Variants in STMN2 observed in about 807,000 individuals in gnomAD.
STMN2 encodes stathmin 2.
In STMN2, 2 loss-of-function variants were observed where a neutral mutation model predicts 24.1. The observed-to-expected ratio is 0.08, with a 90% CI of 0.03 to 0.26. The LOEUF (loss-of-function observed/expected upper bound fraction) is 0.26. Ranked by LOEUF, STMN2 falls within the 10% of genes least tolerant of loss-of-function variation. STMN2 has a pLI of 1.00. For synonymous variants in STMN2, 83 were observed against 77.5 expected, an observed-to-expected ratio of 1.07 and a Z score of -0.37; for missense variants, 114 against 213.6, an observed-to-expected ratio of 0.53 and a Z score of 2.91.
intron 1 of STMN2, among the ~76,000 whole-genome samples, chr8:79,624,563 T>C (rs1321839278): frequency 6.6e-6 from 1 of 151,102 alleles, no homozygotes; most frequent in East Asian, 1.9e-4. Flanking sequence ...AATAAAAACC[T>C]GTCCACTTAA....
intron 1 of STMN2, among the ~76,000 whole-genome samples, chr8:79,612,767 G>T: frequency 6.6e-6 from 1 of 152,232 alleles, no homozygotes; most frequent in East Asian, 1.9e-4. Context: ...CATCTGCGCG[G>T]CTCCGCCCTG....
At chr8:79,661,920 AT>A (rs990034757) in intron 4 of STMN2, among the ~76,000 whole-genome samples, 2 of 152,110 alleles carry the variant, frequency 1.3e-5, no homozygotes, top group Non-Finnish European at 2.9e-5. Flanking sequence ...AAAAAGAAGG[AT>A]TTTTGATGAT....
chr8:79,644,763 T>A (rs1327178833), intron 3 of STMN2, among the ~76,000 whole-genome samples: 1 of 152,240 alleles, frequency 6.6e-6, no homozygotes, highest in East Asian at 1.9e-4. Context: ...ATTCAATTTG[T>A]ATCTCCCTTC....
At chr8:79,647,459 T>C (rs1246563723) in intron 3 of STMN2, among the ~76,000 whole-genome samples, 1 of 152,198 alleles carries the variant, frequency 6.6e-6, no homozygotes, top group African/African-American at 2.4e-5. Flanking sequence ...CAGGGAACTA[T>C]GACCTAGGCT....
chr8:79,641,671 C>T (rs928982794), intron 3 of STMN2, 121 bp downstream of exon 3: 3 of 743,090 alleles, frequency 4.0e-6, no homozygotes, highest in Admixed American at 3.1e-5. Context: ...CACACACACA[C>T]ATACAGAGAG....
At chr8:79,643,226 G>A (rs563390934) in intron 3 of STMN2, among the ~76,000 whole-genome samples, 34 of 136,498 alleles carry the variant, frequency 2.5e-4, no homozygotes, top group Non-Finnish European at 4.8e-4. Flanking sequence ...CTACTAACTC[G>A]ACTATATATA....
chr8:79,660,169 A>G (rs1167283268), intron 4 of STMN2, among the ~76,000 whole-genome samples: 2 of 152,220 alleles, frequency 1.3e-5, no homozygotes, highest in Non-Finnish European at 2.9e-5. Flanking sequence ...TTTAGGAACC[A>G]TCAGACAGCA....
chr8:79,623,346 A>G (rs533228448), intron 1 of STMN2, among the ~76,000 whole-genome samples: 109 of 152,336 alleles, frequency 7.2e-4, no homozygotes, highest in African/African-American at 2.5e-3. Flanking sequence ...AGCAACAAAG[A>G]TATCTTGTGA....
rs1365504552 is a variant in STMN2 at position 79,636,859 on chromosome 8, A to C, written c.77A>C (p.Tyr26Ser). ...SMLSLICSCF[Y>S]PEPRNINIYT... The stretch of plus-strand genomic sequence containing the variant: ...CTGTCACTGATCTGCTCTTGCTTTT[A>C]CCCGGAACCTCGCAACATCAACATC... Residue 26 changes from tyrosine to serine, a missense_variant, in exon 2 of 5, where the codon TAC becomes TCC. Physicochemically the swap from Tyr to Ser is moderately radical, Grantham distance 144. Coordinates refer to ENST00000220876, the MANE Select transcript of STMN2 (RefSeq NM_007029.4). 6.2e-7 allele frequency: 1 copy of C among 1,613,870 alleles called. No homozygotes were observed. Among genetic ancestry groups the C allele is most frequent in the Non-Finnish European group, 8.5e-7 (1 of 1,179,812 alleles).
intron 3 of STMN2, among the ~76,000 whole-genome samples, chr8:79,642,697 AC>A (rs1455400845): frequency 6.6e-6 from 1 of 152,146 alleles, no homozygotes; most frequent in African/African-American, 2.4e-5. Flanking sequence ...ATATATGTAC[AC>A]AAATATGTGT....
chr8:79,658,008 T>C (rs1423859071), intron 4 of STMN2, among the ~76,000 whole-genome samples: 2 of 152,162 alleles, frequency 1.3e-5, no homozygotes, highest in Non-Finnish European at 2.9e-5. Context: ...AAGATAATTA[T>C]GCTGGGCATG....
chr8:79,618,571 G>T (rs1456929349), intron 1 of STMN2, among the ~76,000 whole-genome samples: 1 of 152,164 alleles, frequency 6.6e-6, no homozygotes, highest in Non-Finnish European at 1.5e-5. Flanking sequence ...AAAGCAGGCA[G>T]GCAGGCAGGA....
At chr8:79,662,890 T>G (rs1488016486) in intron 4 of STMN2, among the ~76,000 whole-genome samples, 2 of 152,140 alleles carry the variant, frequency 1.3e-5, no homozygotes, top group Non-Finnish European at 2.9e-5. Context: ...CAGCTCTCAC[T>G]AATTAGTTTC....
Position 79,632,016 on chromosome 8 carries a change from G to A in STMN2, c.20-4786G>A, listed in dbSNP as rs142537798. 2.4e-3 allele frequency among the ~76,000 whole-genome samples: 368 copies of A among 152,268 alleles called. 1 individual carries two copies. The highest frequency in any genetic ancestry group is 8.2e-3 in the African/African-American group (342 of 41,564). On this transcript the variant is annotated intron_variant, in intron 1 of 4. Coordinates refer to ENST00000220876, the MANE Select transcript of STMN2 (RefSeq NM_007029.4). ...GAGAGGAGCAGTGTTTAACAATTGC[G>A]GGTGCAAGACTCAAGTTTTTTAGAA...
chr8:79,624,453 C>CAAAAAAAA lies in STMN2; in HGVS notation c.20-12331_20-12324dup, dbSNP rs1011493193. Among the ~76,000 whole-genome samples the CAAAAAAAA allele has an allele frequency of 5.1e-3, 229 of 44,694 alleles. 1 individual carries two copies. Among genetic ancestry groups the CAAAAAAAA allele is most frequent in the Non-Finnish European group, 7.5e-3 (161 of 21,562 alleles). 29.3% of individuals were successfully genotyped at this position (44,694 alleles called of 152,430 possible). A position where few individuals can be genotyped will look rare whatever the true frequency, so the allele number is the denominator to read the frequency against. ...TGGGCGACAGAGCGAGACTCCGTCT[C>CAAAAAAAA]AAAAAAAAAAAAAAAAAAAAAAAAA... On this transcript the variant is annotated intron_variant, in intron 1 of 4. Transcript: ENST00000220876.
At chr8:79,664,026 A>G (rs770709696) in intron 4 of STMN2, among the ~76,000 whole-genome samples, 4 of 152,208 alleles carry the variant, frequency 2.6e-5, no homozygotes, top group Non-Finnish European at 5.9e-5. Flanking sequence ...ATGAGCTTAC[A>G]GTCAAATATA....
At chr8:79,656,625 C>T (rs527388108) in intron 4 of STMN2, among the ~76,000 whole-genome samples, 1 of 152,302 alleles carries the variant, frequency 6.6e-6, no homozygotes, top group South Asian at 2.1e-4. Flanking sequence ...GATGTTCCCG[C>T]TTGACCAGTG....
At chr8:79,618,980 T>C (rs1809448489) in intron 1 of STMN2, among the ~76,000 whole-genome samples, 1 of 152,178 alleles carries the variant, frequency 6.6e-6, no homozygotes, top group African/African-American at 2.4e-5. Context: ...ATTTATTTTA[T>C]GGCAAGAAAT....
chr8:79,653,424 G>A (rs967172023), intron 3 of STMN2, among the ~76,000 whole-genome samples: 4 of 152,030 alleles, frequency 2.6e-5, no homozygotes, highest in African/African-American at 9.7e-5. Flanking sequence ...ACCATTATGG[G>A]GTTAAAGCAA....
Sources: gnomAD v4.1 joint callset for allele counts (sites outside exome capture counted in the v4.1 genomes callset) on GRCh38, gnomAD v4.1.1 for gene constraint, MANE v1.5 for transcripts, NCBI Gene and HGNC (gene_info 2026-07-23, HGNC 2026-07-21) for gene names.